RBFOX1: variants seen among roughly 807,000 people sequenced by gnomAD.
RBFOX1 encodes RNA binding protein fox-1 homolog 1.
Under a neutral mutation model 57.7 loss-of-function variants are expected in RBFOX1, and 8 were observed. That is an observed-to-expected ratio of 0.14 (90% CI 0.08 to 0.25). The LOEUF (loss-of-function observed/expected upper bound fraction) is 0.25. Ranked by LOEUF, RBFOX1 falls within the 10% of genes least tolerant of loss-of-function variation. The probability of loss-of-function intolerance (pLI) is 1.00; values close to 1 mark genes in which losing one functional copy is unlikely to be tolerated. For missense variants in RBFOX1, 611 were observed against 548.5 expected, an observed-to-expected ratio of 1.11 and a Z score of -1.14; for synonymous variants, 326 against 222.4, an observed-to-expected ratio of 1.47 and a Z score of -4.15.
At chr16:6,079,887 A>G (rs1202946366) in intron 1 of RBFOX1, among the ~76,000 whole-genome samples, 1 of 152,154 alleles carries the variant, frequency 6.6e-6, no homozygotes, top group East Asian at 1.9e-4. Context: ...ATTCCTTCCA[A>G]TACAAAATAA....
At chr16:7,000,596 C>CTTTTTTTTTTTTTTTTTTTTTTT (rs759103545) in intron 3 of RBFOX1, among the ~76,000 whole-genome samples, 22 of 92,598 alleles carry the variant, frequency 2.4e-4, no homozygotes, top group African/African-American at 4.2e-4. Context: ...CTTTTTCTTT[C>CTTTTTTTTTTTTTTTTTTTTTTT]TTTTTTTTTT....
At chr16:5,370,639 C>T (rs780486449) in intron 1 of RBFOX1, among the ~76,000 whole-genome samples, 42 of 151,602 alleles carry the variant, frequency 2.8e-4, no homozygotes, top group Non-Finnish European at 5.3e-4. Flanking sequence ...GCCGCAGGCA[C>T]GTGCTACCAC....
At chr16:7,305,802 T>C (rs2096168242) in intron 4 of RBFOX1, among the ~76,000 whole-genome samples, 1 of 152,244 alleles carries the variant, frequency 6.6e-6, no homozygotes, top group Non-Finnish European at 1.5e-5. Context: ...TTTGTTCTTT[T>C]AAATATTATT....
At chr16:5,240,194 C>T (rs2062129175) in intron 1 of RBFOX1, 2 of 927,600 alleles carry the variant, frequency 2.2e-6, no homozygotes, top group African/African-American at 3.3e-5. Context: ...GCTCCGTGGC[C>T]GGCCCCGGGT....
intron 3 of RBFOX1, among the ~76,000 whole-genome samples, chr16:6,873,138 A>AG (rs911560082): frequency 7.9e-5 from 12 of 152,246 alleles, no homozygotes; most frequent in Non-Finnish European, 1.3e-4. Context: ...TTGGAAAAAA[A>AG]AAAAAAAGCT....
intron 1 of RBFOX1, among the ~76,000 whole-genome samples, chr16:5,428,085 C>G (rs1397861799): frequency 6.6e-6 from 1 of 151,880 alleles, no homozygotes; most frequent in African/African-American, 2.4e-5. Context: ...AGAAAGCACC[C>G]CTGGGGGTGG....
intron 5 of RBFOX1, among the ~76,000 whole-genome samples, chr16:7,562,064 G>C (rs529203271): frequency 2.0e-5 from 3 of 152,304 alleles, no homozygotes; most frequent in South Asian, 4.1e-4. Flanking sequence ...GCGTCAGCCA[G>C]AAAGGGAGGC....
intron 1 of RBFOX1, among the ~76,000 whole-genome samples, chr16:6,187,303 C>T (rs1422810945): frequency 2.0e-5 from 3 of 151,796 alleles, no homozygotes; most frequent in African/African-American, 7.3e-5. Flanking sequence ...TTGGTCTAAG[C>T]CATGAGAGGA....
intron 1 of RBFOX1, among the ~76,000 whole-genome samples, chr16:5,424,046 C>G (rs1159719728): frequency 6.6e-6 from 1 of 152,126 alleles, no homozygotes; most frequent in African/African-American, 2.4e-5. Flanking sequence ...TCCTAGGGAC[C>G]CCTCGTGTTT....
At position 7,374,215 on chromosome 16, in the gene RBFOX1, G is replaced by A. The variant is rs528573003; in HGVS notation, c.28-143932G>A. Among the ~76,000 whole-genome samples the A allele has an allele frequency of 5.3e-5, 8 of 152,244 alleles. No homozygotes were observed. In the South Asian group the frequency reaches 1.7e-3, roughly 32 times the overall value. ...GCATGAATTTTGGGGATTCAATATG[G>A]GGTCAAATATTTACCATCCCGTGGA... On this transcript the variant is annotated intron_variant, in intron 4 of 15. Coordinates refer to ENST00000550418, the MANE Select transcript of RBFOX1 (RefSeq NM_018723.4).
intron 4 of RBFOX1, among the ~76,000 whole-genome samples, chr16:7,515,835 C>CATTGTT (rs2076234193): frequency 6.6e-6 from 1 of 151,230 alleles, no homozygotes. Flanking sequence ...AGTGGCAGTT[C>CATTGTT]GTTGTTGTTG....
At chr16:7,102,422 A>G (rs544607607) in intron 4 of RBFOX1, among the ~76,000 whole-genome samples, 1 of 152,180 alleles carries the variant, frequency 6.6e-6, no homozygotes, top group Non-Finnish European at 1.5e-5. Flanking sequence ...ACTTTTGTAG[A>G]TGTCTTCGCA....
At position 6,658,935 on chromosome 16, in the gene RBFOX1, T is replaced by A. The variant is rs934668812; in HGVS notation, c.-16+4285T>A. Among the ~76,000 whole-genome samples, 4 of 134,212 alleles carry A rather than the reference T, an allele frequency of 3.0e-5. No individual in the cohort carries two copies. The South Asian group carries it at 9.2e-4, about 31-fold the overall frequency. 88.0% of individuals were successfully genotyped at this position (134,212 alleles called of 152,430 possible). A position where few individuals can be genotyped will look rare whatever the true frequency, so the allele number is the denominator to read the frequency against. ...TTGTTTTTTTGTTTTTTGGTTTTTT[T>A]GTTTTTTTTGTTTTTTTTTTTCCTC... On this transcript the variant is annotated intron_variant, in intron 3 of 15. Coordinates refer to ENST00000550418, the MANE Select transcript of RBFOX1 (RefSeq NM_018723.4).
At chr16:7,268,421 GCT>G (rs1280113531) in intron 4 of RBFOX1, among the ~76,000 whole-genome samples, 1 of 152,158 alleles carries the variant, frequency 6.6e-6, no homozygotes, top group African/African-American at 2.4e-5. Context: ...TGAGTTACTT[GCT>G]CTCTGGGAGA....
chr16:6,473,010 C>T (rs544233457), intron 2 of RBFOX1, among the ~76,000 whole-genome samples: 15 of 152,194 alleles, frequency 9.9e-5, no homozygotes, highest in Admixed American at 3.9e-4. Context: ...TGAAACTCTT[C>T]CACCTTTACA....
intron 2 of RBFOX1, among the ~76,000 whole-genome samples, chr16:6,611,098 C>A (rs567218336): frequency 5.9e-5 from 9 of 152,220 alleles, no homozygotes; most frequent in Admixed American, 5.2e-4. Context: ...CCAACAGGAA[C>A]CCATAAATGG....
intron 3 of RBFOX1, among the ~76,000 whole-genome samples, chr16:5,683,116 T>C (rs1342113400): frequency 3.4e-5 from 5 of 147,408 alleles, no homozygotes; most frequent in African/African-American, 1.3e-4. Context: ...TCTTGCCCTC[T>C]AGGGCTTGTA....
chr16:6,999,206 A>ATTTTATTTTATTTTTT (rs1568299754), intron 3 of RBFOX1, among the ~76,000 whole-genome samples: 1 of 72,126 alleles, frequency 1.4e-5, no homozygotes, highest in Non-Finnish European at 2.7e-5. Context: ...TTTATTTTTT[A>ATTTTATTTTATTTTTT]TTTTTATTTA....
intron 2 of RBFOX1, among the ~76,000 whole-genome samples, chr16:6,525,574 G>A (rs146711313): frequency 2.6e-5 from 4 of 152,202 alleles, no homozygotes; most frequent in Non-Finnish European, 5.9e-5. Flanking sequence ...ATTTTTCATT[G>A]TTCTGGAGAC....
Sources: gnomAD v4.1 joint callset for allele counts (sites outside exome capture counted in the v4.1 genomes callset) on GRCh38, gnomAD v4.1.1 for gene constraint, MANE v1.5 for transcripts, NCBI Gene and HGNC (gene_info 2026-07-23, HGNC 2026-07-21) for gene names.